The following ARSG variants were observed in gnomAD, a reference collection of about 807,000 sequenced individuals.
The protein encoded by ARSG is arylsulfatase G, also known as ASG.
ARSG carries 37 observed loss-of-function variants against 50.5 expected under a neutral mutation model. That is an observed-to-expected ratio of 0.73 (90% CI 0.56 to 0.96). The LOEUF (loss-of-function observed/expected upper bound fraction) is 0.96, where lower values mean the gene tolerates loss of function less well. Among genes scored for constraint, ARSG ranks in the 50% least tolerant of loss-of-function variants. ARSG has a pLI of 0.00. For missense variants in ARSG, 629 were observed against 675.3 expected (o/e 0.93, Z 0.76); for synonymous variants, 225 against 254.6 (o/e 0.88, Z 1.11).
intron 5 of ARSG, among the ~76,000 whole-genome samples, chr17:68,356,181 C>T (rs1169877205): frequency 6.6e-6 from 1 of 152,180 alleles, no homozygotes; most frequent in Non-Finnish European, 1.5e-5. Context: ...TGCACCTGGC[C>T]CATCTTATAT....
At chr17:68,341,914 G>A (rs768934756) in intron 2 of ARSG, among the ~76,000 whole-genome samples, 5 of 151,984 alleles carry the variant, frequency 3.3e-5, no homozygotes, top group South Asian at 2.1e-4. Context: ...CCAACCCCTC[G>A]GTTCAAGCGA....
At chr17:68,393,569 C>G (rs373511940) in intron 9 of ARSG, among the ~76,000 whole-genome samples, 163 of 152,176 alleles carry the variant, frequency 1.1e-3, no homozygotes, top group African/African-American at 3.8e-3. Flanking sequence ...AAGTTCTTGA[C>G]TTAATAAGGA....
chr17:68,434,519 C>A, the ARSG span: 1 of 1,610,382 alleles, frequency 6.2e-7, no homozygotes, highest in Non-Finnish European at 8.5e-7. Flanking sequence ...GGGACTTCTG[C>A]GGGGACTTTA....
chr17:68,262,188 A>G (rs2075082435), intron 1 of ARSG, among the ~76,000 whole-genome samples: 1 of 142,872 alleles, frequency 7.0e-6, no homozygotes, highest in African/African-American at 2.6e-5. Context: ...AAAAAAAGAA[A>G]GGGCCGGGCG....
At position 68,399,622 on chromosome 17, in the gene ARSG, A is replaced by G. The variant is rs914659734; in HGVS notation, c.1213-1738A>G. Among the ~76,000 whole-genome samples the G allele has an allele frequency of 2.2e-4, 33 of 152,200 alleles. No individual in the cohort carries two copies. The highest frequency in any genetic ancestry group is 3.7e-4 in the Non-Finnish European group (25 of 68,028). ...TAGACAAGTTCTCCAAAGTCCATCTATGTTTCTGAGAATGAGCCATCCCAC... is the reference window on the plus strand; with the variant it reads ...TAGACAAGTTCTCCAAAGTCCATCTGTGTTTCTGAGAATGAGCCATCCCAC... On this transcript the variant is annotated intron_variant, in intron 10 of 11. Coordinates refer to ENST00000621439, the MANE Select transcript of ARSG (RefSeq NM_001267727.2). This position sits in a 1 kb window ranked among gnomAD's most constrained non-coding sequence, Gnocchi z 4.6.
Position 68,399,429 on chromosome 17 carries a change from A to C in ARSG, c.1213-1931A>C, listed in dbSNP as rs2081381934. Among the ~76,000 whole-genome samples, 1 of 152,212 alleles carries C rather than the reference A, an allele frequency of 6.6e-6. No individual in the cohort carries two copies. The highest frequency in any genetic ancestry group is 2.4e-5 in the African/African-American group (1 of 41,446). ...AAAACAAGATAAAATAGAGCAAGAA[A>C]GGCCACCAGGAAGGCAAAACAAGTT... On this transcript the variant is annotated intron_variant, in intron 10 of 11. Coordinates refer to ENST00000621439, the MANE Select transcript of ARSG (RefSeq NM_001267727.2). This position sits in a 1 kb window ranked among gnomAD's most constrained non-coding sequence, Gnocchi z 4.6.
intron 1 of ARSG, chr17:68,273,887 A>C: frequency 6.3e-7 from 1 of 1,597,540 alleles, no homozygotes; most frequent in Non-Finnish European, 8.6e-7. Context: ...TCTTCAAACT[A>C]AGTGTCTAGA....
At chr17:68,272,512 C>T (rs1233067103) in intron 1 of ARSG, 20 of 1,101,234 alleles carry the variant, frequency 1.8e-5, no homozygotes, top group Admixed American at 2.3e-5. Context: ...GGAGAAGAGA[C>T]GTAAATAACG....
Position 68,265,948 on chromosome 17 carries a change from C to G in ARSG, c.-552+6522C>G, listed in dbSNP as rs183789668. ...GACTAGACAGAGGCCTCATGGCCTG[C>G]AAAGCTTTAAATATTTACTATCTGG... is the stretch of plus-strand genomic sequence containing the variant. On this transcript the variant is annotated intron_variant, in intron 1 of 11. Transcript: ENST00000448504. Among the ~76,000 whole-genome samples the G allele has an allele frequency of 2.2e-3, 336 of 152,190 alleles. 1 individual carries two copies. The highest frequency in any genetic ancestry group is 4.0e-3 in the Non-Finnish European group (270 of 68,014).
At chr17:68,370,730 C>T (rs1032131097) in intron 8 of ARSG, among the ~76,000 whole-genome samples, 8 of 152,116 alleles carry the variant, frequency 5.3e-5, no homozygotes, top group Admixed American at 4.6e-4. Context: ...CAGTTTGGAC[C>T]ATCCCTGTCT....
At chr17:68,390,341 C>T (rs187853583) in intron 9 of ARSG, among the ~76,000 whole-genome samples, 54 of 152,240 alleles carry the variant, frequency 3.5e-4, no homozygotes, top group African/African-American at 1.1e-3. Context: ...ACCCTTCCTA[C>T]GAACAACCTT....
intron 8 of ARSG, among the ~76,000 whole-genome samples, chr17:68,382,443 G>A (rs989728344): frequency 2.2e-4 from 33 of 152,158 alleles, no homozygotes; most frequent in African/African-American, 8.0e-4. Context: ...CAATAAATAC[G>A]AGATGTTATT....
At chr17:68,366,226 A>T (rs2079539651) in intron 6 of ARSG, among the ~76,000 whole-genome samples, 1 of 144,786 alleles carries the variant, frequency 6.9e-6, no homozygotes, top group Non-Finnish European at 1.5e-5. Flanking sequence ...GGTGTGAGCC[A>T]CTACGCCTGG....
chr17:68,436,454 A>G, the ARSG span: 2 of 1,613,928 alleles, frequency 1.2e-6, no homozygotes, highest in Non-Finnish European at 8.5e-7. Flanking sequence ...AAGAATTGGA[A>G]TGGTTGATAG....
At chr17:68,448,061 C>T in the ARSG span, among the ~76,000 whole-genome samples, 1 of 151,186 alleles carries the variant, frequency 6.6e-6, no homozygotes, top group African/African-American at 2.4e-5. Context: ...TAACTTTTTC[C>T]TGTTTTTCAA....
intron 9 of ARSG, 46 bp downstream of exon 9, chr17:68,385,218 A>G: frequency 2.6e-6 from 4 of 1,567,090 alleles, no homozygotes; most frequent in Non-Finnish European, 3.5e-6. Flanking sequence ...CAGAGCAAGA[A>G]AAGTCATGGA....
At chr17:68,446,804 A>AT in the ARSG span, among the ~76,000 whole-genome samples, 1 of 151,948 alleles carries the variant, frequency 6.6e-6, no homozygotes, top group South Asian at 2.1e-4. Context: ...TCTGATCTGC[A>AT]TTTTTTTCCC....
chr17:68,403,846 T>G (rs1157904677), intron 11 of ARSG, among the ~76,000 whole-genome samples: 2 of 152,196 alleles, frequency 1.3e-5, no homozygotes, highest in East Asian at 3.9e-4. Flanking sequence ...CTCCTAATGC[T>G]TTCCCTCCCC....
intron 1 of ARSG, among the ~76,000 whole-genome samples, chr17:68,279,526 T>C (rs953643880): frequency 4.6e-5 from 7 of 152,186 alleles, no homozygotes; most frequent in Non-Finnish European, 8.8e-5. Context: ...TACATGATGA[T>C]ACTCTAGAAT....
Sources: allele counts gnomAD v4.1 joint callset (sites outside exome capture counted in the v4.1 genomes callset), GRCh38; gene constraint gnomAD v4.1.1; non-coding constraint Gnocchi (gnomAD v3.1); transcripts MANE v1.5; gene names NCBI Gene and HGNC (gene_info 2026-07-23, HGNC 2026-07-21).